EBF2: variants seen among roughly 807,000 people sequenced by gnomAD.
EBF2 encodes the protein EBF transcription factor 2.
Under a neutral mutation model 72.8 loss-of-function variants are expected in EBF2, and 21 were observed. The ratio of observed to expected loss-of-function variants is 0.29; its 90% CI spans 0.20 to 0.42. The LOEUF (loss-of-function observed/expected upper bound fraction) is 0.42, where lower values mean the gene tolerates loss of function less well. Among genes scored for constraint, EBF2 ranks in the 10% least tolerant of loss-of-function variants. The pLI, the probability that EBF2 is intolerant of heterozygous loss-of-function variation, is 1.00. For missense variants in EBF2, 637 were observed against 731.2 expected (o/e 0.87, Z 1.49); for synonymous variants, 299 against 274.2 (o/e 1.09, Z -0.89).
At chr8:26,018,067 A>G (rs1805141252) in intron 6 of EBF2, among the ~76,000 whole-genome samples, 1 of 152,112 alleles carries the variant, frequency 6.6e-6, no homozygotes, top group South Asian at 2.1e-4. Flanking sequence ...GCAAAGATTC[A>G]AACAAGGATC....
In EBF2 at chr8:25,912,428, C is replaced by T. The variant is rs966471933; in HGVS notation, c.552-3873G>A. Among the ~76,000 whole-genome samples, 23 of 143,406 alleles carry T rather than the reference C, an allele frequency of 1.6e-4. 1 individual carries two copies. In the Middle Eastern group the frequency reaches 0.023, roughly 145 times the overall value. 94.1% of individuals were successfully genotyped at this position (143,406 alleles called of 152,430 possible). On this transcript the variant is annotated intron_variant, in intron 6 of 15. Transcript: ENST00000520164. ...ATATGTAAGTTATATCTCAATACAC[C>T]TGTTATTAAAAAAACACTTCAAAAT...
intron 10 of EBF2, among the ~76,000 whole-genome samples, chr8:25,872,679 A>AAACAACAACAAC (rs113792737): frequency 6.6e-6 from 1 of 151,264 alleles, no homozygotes; most frequent in African/African-American, 2.4e-5. Context: ...GTAAGAAAGC[A>AAACAACAACAAC]AACAACAACA....
intron 6 of EBF2, among the ~76,000 whole-genome samples, chr8:25,957,009 G>A (rs1563412887): frequency 6.6e-6 from 1 of 152,194 alleles, no homozygotes; most frequent in Non-Finnish European, 1.5e-5. Context: ...CTGACAGATC[G>A]AGAATATCTG....
intron 6 of EBF2, among the ~76,000 whole-genome samples, chr8:26,029,184 T>G (rs1311286774): frequency 2.0e-5 from 3 of 152,104 alleles, no homozygotes; most frequent in African/African-American, 7.2e-5. Context: ...TGAAAGCGAT[T>G]TTTCGTATTT....
intron 6 of EBF2, among the ~76,000 whole-genome samples, chr8:25,953,645 C>T (rs1188842420): frequency 1.3e-5 from 2 of 152,164 alleles, no homozygotes; most frequent in Non-Finnish European, 2.9e-5. Flanking sequence ...GAGACAGTGT[C>T]ACCTAAGACA....
rs762824229 is a variant in EBF2, at chr8:26,007,813, T to TACAC, written c.551+25268_551+25271dup. Among the ~76,000 whole-genome samples, 222 of 149,514 alleles carry TACAC rather than the reference T, an allele frequency of 1.5e-3. 1 individual carries two copies. The Middle Eastern group carries it at 0.021, about 14-fold the overall frequency. On this transcript the variant is annotated intron_variant, in intron 6 of 15. Coordinates refer to ENST00000520164, the MANE Select transcript of EBF2 (RefSeq NM_022659.4). ...GCACATGTGCACACACACACACACA[T>TACAC]ACACACACACACACTACAGAGAAAG...
At chr8:25,979,488 AC>A (rs758405467) in intron 6 of EBF2, among the ~76,000 whole-genome samples, 11 of 152,182 alleles carry the variant, frequency 7.2e-5, no homozygotes, top group Non-Finnish European at 1.2e-4. Context: ...GGAACACAGG[AC>A]CCCTGAAGGG....
rs555449709 is a variant in EBF2, at chr8:25,916,173, C to T, written c.552-7618G>A. Among the ~76,000 whole-genome samples the T allele has an allele frequency of 6.5e-4, 99 of 151,360 alleles. 1 individual carries two copies. The Middle Eastern group carries it at 0.01, about 16-fold the overall frequency. On this transcript the variant is annotated intron_variant, in intron 6 of 15. Transcript: ENST00000520164. ...TGGTGGTGCACACCTGTAATCCTAG[C>T]GACTTGGGAGGCTGAGACACGAGAA...
chr8:26,002,959 C>T (rs949650219), intron 6 of EBF2, among the ~76,000 whole-genome samples: 32 of 149,516 alleles, frequency 2.1e-4, no homozygotes, highest in Admixed American at 3.3e-4. Context: ...GGCAGGCAGG[C>T]AGGCAGGCAG....
rs10099627 is a variant in EBF2 at position 25,873,288 on chromosome 8, G to T, written c.1010-10491C>A. ...GGTTTATTTCTCTGTGAAGACAAAG[G>T]ATTGGGGTAAATGGCTTCTAAGACC... is the stretch of plus-strand genomic sequence containing the variant. On this transcript the variant is annotated intron_variant, in intron 10 of 15. Coordinates refer to ENST00000520164, the MANE Select transcript of EBF2 (RefSeq NM_022659.4). 9.6e-3 allele frequency among the ~76,000 whole-genome samples: 1,469 copies of T among 152,278 alleles called. 26 individuals are homozygous for T. The highest frequency in any genetic ancestry group is 0.031 in the African/African-American group (1,292 of 41,556).
At chr8:25,969,430 G>C (rs1804159198) in intron 6 of EBF2, among the ~76,000 whole-genome samples, 1 of 152,202 alleles carries the variant, frequency 6.6e-6, no homozygotes, top group Admixed American at 6.5e-5. Flanking sequence ...CTGTGCTTTT[G>C]AGAACAGGAG....
chr8:25,991,587 T>C (rs1032771436), intron 6 of EBF2, among the ~76,000 whole-genome samples: 26 of 152,306 alleles, frequency 1.7e-4, no homozygotes, highest in Non-Finnish European at 3.1e-4. Flanking sequence ...GGCTCATGCC[T>C]GTAACCTCAG....
intron 6 of EBF2, among the ~76,000 whole-genome samples, chr8:25,993,800 TG>T (rs958025567): frequency 2.7e-5 from 4 of 150,316 alleles, no homozygotes; most frequent in East Asian, 2.0e-4. Context: ...TTATGTCTTT[TG>T]GGGGGGTGGG....
rs904215009 is a variant in EBF2, at chr8:25,902,451, T to G, written c.633+6023A>C. On this transcript the variant is annotated intron_variant, in intron 7 of 15. Coordinates refer to ENST00000520164, the MANE Select transcript of EBF2 (RefSeq NM_022659.4). ...TGAGGAGCCCTGGAAATCTTAAGTT[T>G]GTTTTCTCTTTTTTCCTTTTTTCTT... Among the ~76,000 whole-genome samples, 70 of 152,252 alleles carry G rather than the reference T, an allele frequency of 4.6e-4. No homozygotes were observed. In the Middle Eastern group the frequency reaches 0.01, roughly 22 times the overall value.
At chr8:25,874,045 C>G (rs924131736) in intron 10 of EBF2, among the ~76,000 whole-genome samples, 1 of 152,146 alleles carries the variant, frequency 6.6e-6, no homozygotes, top group African/African-American at 2.4e-5. Flanking sequence ...ATTGACTCAA[C>G]CTGTCTCCAG....
intron 6 of EBF2, among the ~76,000 whole-genome samples, chr8:25,978,635 A>G (rs1804305973): frequency 6.6e-6 from 1 of 152,206 alleles, no homozygotes; most frequent in Non-Finnish European, 1.5e-5. Context: ...CTCTGGCTGC[A>G]GGTTCAGAAC....
chr8:25,886,161 T>A (rs9314313), intron 10 of EBF2, among the ~76,000 whole-genome samples: 135,779 of 152,208 alleles, frequency 0.89, 60,601 homozygotes, highest in African/African-American at 0.92. Context: ...TTCATCGGAA[T>A]TACCAAACAT....
At chr8:26,014,078 T>C (rs1247842466) in intron 6 of EBF2, among the ~76,000 whole-genome samples, 1 of 152,210 alleles carries the variant, frequency 6.6e-6, no homozygotes, top group Non-Finnish European at 1.5e-5. Flanking sequence ...ATTTGACTTC[T>C]ACATTTATGA....
chr8:25,886,703 G>A, intron 10 of EBF2, 52 bp downstream of exon 10: 1 of 1,563,776 alleles, frequency 6.4e-7, no homozygotes. Context: ...CTGGGAACTA[G>A]CGCAAAGGCA....
Sources: allele counts gnomAD v4.1 joint callset (sites outside exome capture counted in the v4.1 genomes callset), GRCh38; gene constraint gnomAD v4.1.1; transcripts MANE v1.5; gene names NCBI Gene and HGNC (gene_info 2026-07-23, HGNC 2026-07-21).